The following ZNF75D variants were observed in gnomAD, a reference collection of about 807,000 sequenced individuals.
ZNF75D encodes the protein zinc finger protein 75.
In ZNF75D, 33 loss-of-function variants were observed where a neutral mutation model predicts 33.3. That is an observed-to-expected ratio of 0.99 (90% CI 0.75 to 1.32). The LOEUF (loss-of-function observed/expected upper bound fraction) is 1.32. ZNF75D is among the 40% of genes most tolerant of loss of function. The probability of loss-of-function intolerance (pLI) is 0.00; values close to 1 mark genes in which losing one functional copy is unlikely to be tolerated. For synonymous variants in ZNF75D, 113 were observed against 130.6 expected, an observed-to-expected ratio of 0.87 and a Z score of 0.92; for missense variants, 338 against 367.5, an observed-to-expected ratio of 0.92 and a Z score of 0.66.
intron 6 of ZNF75D, among the ~76,000 whole-genome samples, chrX:135,289,839 G>C (rs1252086961): frequency 3.6e-5 from 4 of 111,722 alleles, no homozygotes; most frequent in African/African-American, 1.3e-4. Context: ...CGTGTGATCT[G>C]CTCTATTTTC....
At chrX:135,276,234 A>C (rs1327458748) in intron 1 of ZNF75D, among the ~76,000 whole-genome samples, 2 of 112,091 alleles carry the variant, frequency 1.8e-5, no homozygotes, top group Non-Finnish European at 3.8e-5. Flanking sequence ...AATAATTAAA[A>C]ACAGTGTTGT....
downstream of ZNF75D, among the ~76,000 whole-genome samples, chrX:135,281,717 T>C (rs2083920459): frequency 8.9e-6 from 1 of 112,518 alleles, no homozygotes; most frequent in South Asian, 3.7e-4. Context: ...CCTTTCTGTT[T>C]GTTAGTTTTC....
At chrX:135,280,583 C>T (rs1428141732) in intron 1 of ZNF75D, among the ~76,000 whole-genome samples, 9 of 111,813 alleles carry the variant, frequency 8.0e-5, no homozygotes, top group African/African-American at 2.9e-4. Flanking sequence ...TTCATAGTGT[C>T]GATGGTCTTT....
At chrX:135,291,881 G>T (rs782813392) in intron 4 of ZNF75D, among the ~76,000 whole-genome samples, 2 of 112,487 alleles carry the variant, frequency 1.8e-5, no homozygotes, top group South Asian at 7.4e-4. Flanking sequence ...AGGTCCTCCA[G>T]TGTACAGTAG....
chrX:135,335,022 C>T (rs1556441951), intron 1 of ZNF75D, among the ~76,000 whole-genome samples: 3 of 110,687 alleles, frequency 2.7e-5, no homozygotes, highest in Non-Finnish European at 5.7e-5. Context: ...CCTCTTCACC[C>T]CTAACCTCTG....
chrX:135,295,325 T>C (rs1003021661), intron 2 of ZNF75D, among the ~76,000 whole-genome samples: 3 of 111,976 alleles, frequency 2.7e-5, no homozygotes, highest in Non-Finnish European at 5.6e-5. Flanking sequence ...GTTATGTTCA[T>C]AAGCCATCAA....
At position 135,293,879 on chromosome X, in the gene ZNF75D, T is replaced by G; in HGVS notation, c.262A>C (p.Ile88Leu). Residue 88 changes from isoleucine (I) to leucine (L), a missense_variant, in exon 3 of 7, where the codon ATC becomes CTC. Around this residue, in one of 3 missense-constraint regions of ZNF75D, gnomAD observed 254 missense variants for 267.7 expected, o/e 0.95. Transcript: ENST00000370766. ...LRPEIHSKEQ[I>L]LEMLVLEQFL... The stretch of plus-strand genomic sequence containing the variant: ...TGCTCTAACACCAGCATTTCCAAGA[T>G]CTGCTCTTTTGAGTGGATCTCTGGC... 1.7e-6 allele frequency: 2 copies of G among 1,211,579 alleles called. No homozygotes were observed. Among genetic ancestry groups the G allele is most frequent in the Non-Finnish European group, 2.2e-6 (2 of 895,195 alleles).
rs1444696945 is a variant in ZNF75D, at chrX:135,287,388, T to C, written c.1282A>G (p.Lys428Glu). ...AGATTTGTGTTATGACTAAAGCTTT[T>C]CCCACACCATGAGCATCTATATGGT... ...IKPYRCSWCG[K>E]SFSHNTNLHT... is the part of the protein sequence containing the mutation. Residue 428 changes from lysine to glutamate, a missense_variant, in exon 7 of 7, where the codon AAA becomes GAA. By Grantham distance (56) the Lys-to-Glu change is moderately conservative. Coordinates refer to ENST00000370766, the MANE Select transcript of ZNF75D (RefSeq NM_007131.5). The C allele has an allele frequency of 8.3e-7, 1 of 1,209,640 alleles. No individual in the cohort carries two copies. Among genetic ancestry groups the C allele is most frequent in the Non-Finnish European group, 1.1e-6 (1 of 894,797 alleles).
chrX:135,334,715 G>T (rs1377937405), intron 1 of ZNF75D, among the ~76,000 whole-genome samples: 3 of 111,636 alleles, frequency 2.7e-5, no homozygotes, highest in Non-Finnish European at 5.7e-5. Context: ...GGAGGGGCCT[G>T]TGCTCTAGGC....
Position 135,291,003 on chromosome X carries a change from C to T in ZNF75D, c.823+6G>A, listed in dbSNP as rs374925153. The T allele has an allele frequency of 2.1e-5, 25 of 1,203,094 alleles. No individual in the cohort carries two copies. Among genetic ancestry groups the T allele is most frequent in the Non-Finnish European group, 2.7e-5 (24 of 890,927 alleles). ...CTTCTACACAATGGGAAGGAAGAAT[C>T]TTTACCTAGAGAGATGACAGTCTCA... On this transcript the variant is annotated splice_donor_region_variant and intron_variant, in intron 6 of 6. Coordinates refer to ENST00000370766, the MANE Select transcript of ZNF75D (RefSeq NM_007131.5).
intron 1 of ZNF75D, among the ~76,000 whole-genome samples, chrX:135,270,571 A>G (rs893590465): frequency 1.8e-5 from 2 of 109,769 alleles, no homozygotes; most frequent in African/African-American, 3.3e-5. Flanking sequence ...TTGTTGCTGA[A>G]AGATAGGAAT....
At chrX:135,333,210 G>A (rs782522253) in intron 1 of ZNF75D, among the ~76,000 whole-genome samples, 3 of 111,677 alleles carry the variant, frequency 2.7e-5, no homozygotes, top group Non-Finnish European at 3.8e-5. Context: ...GAAATTCTTG[G>A]TGCAGGTGAA....
intron 1 of ZNF75D, among the ~76,000 whole-genome samples, chrX:135,335,694 C>A (rs782399236): frequency 8.9e-6 from 1 of 112,143 alleles, no homozygotes; most frequent in East Asian, 2.8e-4. Context: ...CATACATATA[C>A]TCATATATAA....
chrX:135,298,637 C>T (rs983758407), intron 1 of ZNF75D: 1 of 111,732 alleles, frequency 8.9e-6, no homozygotes, highest in Non-Finnish European at 1.9e-5. Context: ...ATAATTCATT[C>T]ATTTAAAGTA....
At chrX:135,291,446 G>GA (rs1556421214) in intron 5 of ZNF75D, 26 bp downstream of exon 5, 3 of 1,209,785 alleles carry the variant, frequency 2.5e-6, no homozygotes, top group African/African-American at 1.7e-5. Context: ...CAAGTCACCT[G>GA]AAAAAAGCCA....
At chrX:135,266,326 T>C (rs1008665797) in intron 1 of ZNF75D, among the ~76,000 whole-genome samples, 4 of 111,474 alleles carry the variant, frequency 3.6e-5, no homozygotes, top group South Asian at 3.8e-4. Context: ...TCAAAAGACA[T>C]AGAGTAGCTG....
At chrX:135,335,396 G>T (rs1378624312) in intron 1 of ZNF75D, among the ~76,000 whole-genome samples, 3 of 110,887 alleles carry the variant, frequency 2.7e-5, no homozygotes, top group African/African-American at 9.9e-5. Context: ...GCTCTAGCTC[G>T]ACCACCAGGA....
chrX:135,327,475 C>G (rs1245711449), intron 1 of ZNF75D, among the ~76,000 whole-genome samples: 1 of 112,081 alleles, frequency 8.9e-6, no homozygotes, highest in African/African-American at 3.2e-5. Context: ...AGCTGAGAAC[C>G]CTGTTACCAT....
In ZNF75D at chrX:135,342,872, C is replaced by G. The variant is rs1222757355; in HGVS notation, c.-1495G>C. The G allele has an allele frequency of 2.7e-5, 3 of 111,458 alleles. No homozygotes were observed. In the Admixed American group the frequency reaches 2.8e-4, roughly 11 times the overall value. 9.2% of individuals were successfully genotyped at this position (111,458 alleles called of 1,213,427 possible). ...CATTTGACCAGTGCAGAAAGTGAAG[C>G]CCAGCCAAGCAAAAGTCACTTGCCC... On this transcript the variant is annotated 5_prime_UTR_variant, in exon 1 of 7. Transcript: ENST00000370766.
Sources: allele counts gnomAD v4.1 joint callset (sites outside exome capture counted in the v4.1 genomes callset), GRCh38; gene constraint gnomAD v4.1.1; regional missense constraint gnomAD v4.1.1; transcripts MANE v1.5; gene names NCBI Gene and HGNC (gene_info 2026-07-23, HGNC 2026-07-21).